Variants in DPP6 observed in about 807,000 individuals in gnomAD.
The protein encoded by DPP6 is dipeptidyl peptidase like 6, also known as A-type potassium channel modulatory protein DPP6.
A neutral mutation model predicts 122.6 loss-of-function variants in DPP6; 69 were observed. That is an observed-to-expected ratio of 0.56 (90% confidence interval 0.46 to 0.69). The LOEUF is 0.69. Among genes scored for constraint, DPP6 ranks in the 30% least tolerant of loss-of-function variants. DPP6 has a pLI of 0.00. For missense variants in DPP6, 928 were observed against 1,116.9 expected (o/e 0.83, Z 2.41); for synonymous variants, 418 against 433.1 (o/e 0.97, Z 0.43).
At chr7:154,828,108 C>T (rs899358635) in intron 16 of DPP6, among the ~76,000 whole-genome samples, 19 of 152,056 alleles carry the variant, frequency 1.2e-4, no homozygotes, top group African/African-American at 4.6e-4. Flanking sequence ...GAAGATTAGC[C>T]TGTAGGAGTG....
At chr7:154,345,091 C>T (rs1221910984) in intron 1 of DPP6, among the ~76,000 whole-genome samples, 1 of 152,138 alleles carries the variant, frequency 6.6e-6, no homozygotes, top group Non-Finnish European at 1.5e-5. Context: ...AAACAACAGA[C>T]ATTTATTTCC....
intron 1 of DPP6, among the ~76,000 whole-genome samples, chr7:154,015,602 GT>G (rs1476786986): frequency 6.6e-6 from 1 of 152,046 alleles, no homozygotes; most frequent in Non-Finnish European, 1.5e-5. Flanking sequence ...ACCAACCCAG[GT>G]GCTCAAGCCA....
intron 8 of DPP6, among the ~76,000 whole-genome samples, chr7:154,744,956 A>G (rs902322708): frequency 1.3e-5 from 2 of 152,220 alleles, no homozygotes; most frequent in African/African-American, 2.4e-5. Flanking sequence ...TGCTGCCTGC[A>G]TTCTGTTTTG....
intron 1 of DPP6, among the ~76,000 whole-genome samples, chr7:154,199,569 TA>T (rs903871961): frequency 3.3e-5 from 5 of 152,110 alleles, no homozygotes; most frequent in Non-Finnish European, 7.4e-5. Context: ...GAGTTTATAA[TA>T]AAAATTAACC....
chr7:154,574,622 GTGT>G (rs1831375939), intron 5 of DPP6, among the ~76,000 whole-genome samples: 1 of 81,080 alleles, frequency 1.2e-5, no homozygotes, highest in Admixed American at 1.6e-4. Context: ...GGGTGTATGT[GTGT>G]GGTGTGTGTG....
intron 1 of DPP6, among the ~76,000 whole-genome samples, chr7:154,260,681 CATATATATGTATAATAT>C (rs1563381154): frequency 1.4e-5 from 2 of 146,288 alleles, no homozygotes; most frequent in Admixed American, 6.9e-5. Flanking sequence ...ATATATAATA[CATATATATGTATAATAT>C]ATATTATATA....
chr7:153,933,493 C>G (rs1267403873), intron 1 of DPP6, among the ~76,000 whole-genome samples: 1 of 152,204 alleles, frequency 6.6e-6, no homozygotes, highest in Non-Finnish European at 1.5e-5. Flanking sequence ...ACGAACACTT[C>G]TGCCATCTTA....
chr7:153,869,527 A>C, the DPP6 span, among the ~76,000 whole-genome samples: 21 of 151,980 alleles, frequency 1.4e-4, no homozygotes, highest in African/African-American at 4.3e-4. Flanking sequence ...CCATCCCTTT[A>C]TTTGGAGCCT....
the DPP6 span, among the ~76,000 whole-genome samples, chr7:153,811,657 A>G: frequency 6.6e-6 from 1 of 152,070 alleles, no homozygotes; most frequent in Non-Finnish European, 1.5e-5. Context: ...TTTTGAGACC[A>G]TGAGTCTCAA....
chr7:154,820,223 C>T (rs1799671333), intron 16 of DPP6, among the ~76,000 whole-genome samples: 1 of 152,172 alleles, frequency 6.6e-6, no homozygotes, highest in African/African-American at 2.4e-5. Context: ...GAAAGGGAGG[C>T]CTCAGACCGA....
intron 8 of DPP6, among the ~76,000 whole-genome samples, chr7:154,757,156 C>T (rs1473589739): frequency 6.6e-6 from 1 of 151,904 alleles, no homozygotes; most frequent in Admixed American, 6.6e-5. Flanking sequence ...CTCACGTACC[C>T]TGAGGAACTT....
chr7:153,786,905 CA>C, the DPP6 span, among the ~76,000 whole-genome samples: 51 of 146,538 alleles, frequency 3.5e-4, no homozygotes, highest in African/African-American at 1.1e-3. Context: ...ATGAATTTAG[CA>C]CTTTATGTAA....
At chr7:154,462,926 T>G (rs1821420076) in intron 2 of DPP6, among the ~76,000 whole-genome samples, 1 of 145,786 alleles carries the variant, frequency 6.9e-6, no homozygotes. Context: ...GAAATACTAC[T>G]GATTTTTGTA....
chr7:153,906,874 C>T (rs570256332), intron 1 of DPP6, among the ~76,000 whole-genome samples: 9 of 152,286 alleles, frequency 5.9e-5, no homozygotes, highest in South Asian at 4.1e-4. Context: ...ATCGTGTATA[C>T]GTACCACATT....
chr7:154,629,228 A>C (rs969797982), intron 5 of DPP6, among the ~76,000 whole-genome samples: 9 of 152,198 alleles, frequency 5.9e-5, no homozygotes, highest in African/African-American at 2.2e-4. Context: ...ACACTTCAAA[A>C]TTGCAAGAAA....
At chr7:153,968,888 A>G (rs1795883716) in intron 1 of DPP6, 1 of 152,114 alleles carries the variant, frequency 6.6e-6, no homozygotes, top group African/African-American at 2.4e-5. Context: ...CTTCTTTCAC[A>G]CAGCGTGATG....
chr7:153,841,603 A>C, the DPP6 span, among the ~76,000 whole-genome samples: 9 of 152,358 alleles, frequency 5.9e-5, no homozygotes, highest in Admixed American at 4.6e-4. Context: ...GAACTACTCA[A>C]ACCAAATTGG....
chr7:153,798,132 G>A, the DPP6 span, among the ~76,000 whole-genome samples: 14 of 152,200 alleles, frequency 9.2e-5, no homozygotes, highest in East Asian at 5.8e-4. Context: ...GTGAGCCACC[G>A]TGCCCAGCCC....
At chr7:154,783,452 G>A (rs1797149950) in intron 10 of DPP6, among the ~76,000 whole-genome samples, 1 of 152,172 alleles carries the variant, frequency 6.6e-6, no homozygotes, top group African/African-American at 2.4e-5. Context: ...CAGGTTTACA[G>A]GGAGCAGCGC....
Sources: gnomAD v4.1 joint callset for allele counts (sites outside exome capture counted in the v4.1 genomes callset) on GRCh38, gnomAD v4.1.1 for gene constraint, MANE v1.5 for transcripts, NCBI Gene and HGNC (gene_info 2026-07-23, HGNC 2026-07-21) for gene names.